The following TRPC3 variants were observed in gnomAD, a reference collection of about 807,000 sequenced individuals.
TRPC3 encodes the protein transient receptor potential cation channel subfamily C member 3.
A neutral mutation model predicts 90.9 loss-of-function variants in TRPC3; 54 were observed. The ratio of observed to expected loss-of-function variants is 0.59; its 90% CI spans 0.48 to 0.75. TRPC3 has a LOEUF of 0.75. Ranked by LOEUF, TRPC3 falls within the 30% of genes least tolerant of loss-of-function variation. The probability of loss-of-function intolerance (pLI) is 0.00; values close to 1 mark genes in which losing one functional copy is unlikely to be tolerated. For missense variants in TRPC3, 918 were observed against 1,194.5 expected, an observed-to-expected ratio of 0.77 and a Z score of 3.41; for synonymous variants, 424 against 450.9, an observed-to-expected ratio of 0.94 and a Z score of 0.75.
In TRPC3 at chr4:121,876,833, A is replaced by G. The variant is rs537038927; in HGVS notation, c.*2903T>C. ...TACAAAGTACCCAACTTTTCGAACA[A>G]TAAGTCTAAGAAGCACTTTGAGTGT... On this transcript the variant is annotated 3_prime_UTR_variant, in exon 12 of 12. Transcript: ENST00000379645. Among the ~76,000 whole-genome samples the G allele has an allele frequency of 2.3e-4, 35 of 152,314 alleles. No homozygotes were observed. The highest frequency in any genetic ancestry group is 6.2e-4 in the South Asian group (3 of 4,824).
Position 121,904,525 on chromosome 4 carries a change from A to G in TRPC3, c.2058-8T>C. The G allele has an allele frequency of 6.5e-7, 1 of 1,530,634 alleles. No homozygotes were observed. The highest frequency in any genetic ancestry group is 8.7e-7 in the Non-Finnish European group (1 of 1,143,180). 94.8% of individuals were successfully genotyped at this position (1,530,634 alleles called of 1,614,324 possible). A position where few individuals can be genotyped will look rare whatever the true frequency, so the allele number is the denominator to read the frequency against. On this transcript the variant is annotated splice_polypyrimidine_tract_variant and splice_region_variant and intron_variant, in intron 7 of 11. Coordinates refer to ENST00000379645, the MANE Select transcript of TRPC3 (RefSeq NM_001130698.2). ...TTGAAACTTTCTTCTACACTGTTGA[A>G]AAAATAAGATACAAAGTAAGTAAGT...
At chr4:121,881,354 CG>C (rs546432346) in intron 11 of TRPC3, among the ~76,000 whole-genome samples, 89 of 152,112 alleles carry the variant, frequency 5.9e-4, no homozygotes, top group African/African-American at 2.1e-3. Flanking sequence ...TTTTTTATGC[CG>C]TTTTAGCCAT....
At chr4:121,916,939 T>C (rs1446986276) in intron 3 of TRPC3, among the ~76,000 whole-genome samples, 1 of 152,040 alleles carries the variant, frequency 6.6e-6, no homozygotes, top group Non-Finnish European at 1.5e-5. Context: ...GGTCTCAAAC[T>C]CTCAACCTCA....
rs1727730971 is a variant in TRPC3 at position 121,875,191 on chromosome 4, G to T, written c.*4545C>A. 6.6e-6 allele frequency among the ~76,000 whole-genome samples: 1 copy of T among 151,586 alleles called. No individual in the cohort carries two copies. The highest frequency in any genetic ancestry group is 1.5e-5 in the Non-Finnish European group (1 of 67,932). On this transcript the variant is annotated 3_prime_UTR_variant, in exon 12 of 12. Transcript: ENST00000379645. ...AGTGCTTACTTTCCATTTAGCAAGT[G>T]ATGTCCACTGTTCAATTAATTGTGT...
In TRPC3 at chr4:121,932,566, G is replaced by A; in HGVS notation, c.692C>T (p.Ser231Leu). 6.2e-7 allele frequency: 1 copy of A among 1,614,230 alleles called. No homozygotes were observed. The highest frequency in any genetic ancestry group is 1.3e-5 in the African/African-American group (1 of 75,064). ...CAGGATGATGGGGGTGATGTCCGGCGAGAAGCGCGTGCCGTCCTCGTCGTA... is the reference window on the plus strand; with the variant it reads ...CAGGATGATGGGGGTGATGTCCGGCAAGAAGCGCGTGCCGTCCTCGTCGTA... ...YAYDEDGTRF[S>L]PDITPIILAA... The change falls in exon 2 of 12, where the codon TCG becomes TTG. Residue 231 changes from serine (S) to leucine (L), a missense_variant. By Grantham distance (145) the Ser-to-Leu change is moderately radical (BLOSUM62 -2). Transcript: ENST00000379645. The surrounding 1 kb of genome is among the most constrained non-coding windows in gnomAD (Gnocchi z 7.7).
At chr4:121,937,637 T>C (rs1285159820) in intron 1 of TRPC3, among the ~76,000 whole-genome samples, 1 of 152,230 alleles carries the variant, frequency 6.6e-6, no homozygotes, top group East Asian at 1.9e-4. Flanking sequence ...TTGTTCACCA[T>C]AGTATTCTTT....
At chr4:121,913,260 G>A (rs75455013) in intron 4 of TRPC3, among the ~76,000 whole-genome samples, 9,022 of 152,182 alleles carry the variant, frequency 0.059, 335 homozygotes, top group South Asian at 0.15. Flanking sequence ...AATTTCTTGG[G>A]AATTACCAAG....
intron 1 of TRPC3, among the ~76,000 whole-genome samples, chr4:121,949,382 C>T (rs72682611): frequency 0.01 from 1,534 of 152,194 alleles, 21 homozygotes; most frequent in Non-Finnish European, 0.016. Context: ...AGGAATTATC[C>T]TGGTAAAGGT....
chr4:121,905,814 G>A (rs990412951), intron 7 of TRPC3, among the ~76,000 whole-genome samples: 1 of 151,930 alleles, frequency 6.6e-6, no homozygotes, highest in Non-Finnish European at 1.5e-5. Context: ...GAGGATGGAG[G>A]GTTGAATAGA....
At chr4:121,898,503 T>G (rs1046004143) in intron 10 of TRPC3, among the ~76,000 whole-genome samples, 1 of 152,164 alleles carries the variant, frequency 6.6e-6, no homozygotes, top group Non-Finnish European at 1.5e-5. Context: ...GGTGGAACAC[T>G]TTCACCCTGA....
chr4:121,935,819 A>G (rs566380122), intron 1 of TRPC3, among the ~76,000 whole-genome samples: 1 of 151,492 alleles, frequency 6.6e-6, no homozygotes, highest in East Asian at 1.9e-4. Context: ...ATCTACAGGG[A>G]AAAATCACTT....
chr4:121,932,167 C>T lies in TRPC3; in HGVS notation c.987+104G>A. ...TCAGTCCCTCGTGATTTCACATTCA[C>T]TGGGCAAAACCGAATGTGGAGCGAA... On this transcript the variant is annotated intron_variant, in intron 2 of 11. Transcript: ENST00000379645. The surrounding 1 kb of genome is among the most constrained non-coding windows in gnomAD (Gnocchi z 7.7). The T allele has an allele frequency of 6.6e-7, 1 of 1,513,446 alleles. No individual in the cohort carries two copies. Among genetic ancestry groups the T allele is most frequent in the Middle Eastern group, 2.1e-4 (1 of 4,838 alleles). 93.8% of individuals were successfully genotyped at this position (1,513,446 alleles called of 1,614,324 possible).
chr4:121,951,086 G>A lies in TRPC3; in HGVS notation c.215+380C>T, dbSNP rs1254885687. 2.0e-5 allele frequency among the ~76,000 whole-genome samples: 3 copies of A among 152,158 alleles called. No individual in the cohort carries two copies. The highest frequency in any genetic ancestry group is 4.8e-5 in the African/African-American group (2 of 41,454). ...CCTCCCTGGGTAAGCTCGGGACCCC[G>A]GGGTCCGTCTTCCAAGGGGTGCCCA... On this transcript the variant is annotated intron_variant, in intron 1 of 11. Transcript: ENST00000379645. The surrounding 1 kb of genome is among the most constrained non-coding windows in gnomAD (Gnocchi z 4.4).
intron 10 of TRPC3, among the ~76,000 whole-genome samples, chr4:121,894,555 G>GTTTT (rs374034360): frequency 0.018 from 1,161 of 63,360 alleles, 291 homozygotes; most frequent in African/African-American, 0.033. Context: ...TACACATTCT[G>GTTTT]TTTTTTTTTT....
At chr4:121,913,356 T>A (rs1316812971) in intron 4 of TRPC3, among the ~76,000 whole-genome samples, 3 of 152,224 alleles carry the variant, frequency 2.0e-5, no homozygotes, top group African/African-American at 7.2e-5. Flanking sequence ...GGGACATACA[T>A]GGAAAATTCT....
In TRPC3 at chr4:121,906,545, G is replaced by T. The variant is rs1320047195; in HGVS notation, c.2057+758C>A. Among the ~76,000 whole-genome samples the T allele has an allele frequency of 2.6e-5, 4 of 152,182 alleles. 1 individual carries two copies. In the East Asian group the frequency reaches 7.7e-4, roughly 29 times the overall value. On this transcript the variant is annotated intron_variant, in intron 7 of 11. Coordinates refer to ENST00000379645, the MANE Select transcript of TRPC3 (RefSeq NM_001130698.2). ...TAGAACAATTGAGATGTCTACAAGG[G>T]CTTGATATGCTACTTTAGTCTATAG...
At chr4:121,895,148 T>C (rs775332609) in intron 10 of TRPC3, among the ~76,000 whole-genome samples, 2 of 151,700 alleles carry the variant, frequency 1.3e-5, no homozygotes, top group Non-Finnish European at 2.9e-5. Flanking sequence ...CCAACACCCA[T>C]GCAACACAGC....
At chr4:121,899,461 G>A in intron 10 of TRPC3, 151 bp downstream of exon 10, 1 of 472,154 alleles carries the variant, frequency 2.1e-6, no homozygotes, top group East Asian at 3.5e-5. Flanking sequence ...AATTTCACAG[G>A]TGTTGAATCA....
intron 2 of TRPC3, among the ~76,000 whole-genome samples, chr4:121,929,548 T>G (rs1729825277): frequency 6.6e-6 from 1 of 152,216 alleles, no homozygotes; most frequent in African/African-American, 2.4e-5. Flanking sequence ...TTTCTCAGAA[T>G]AGCTTCAAAC....
Sources: allele counts gnomAD v4.1 joint callset (sites outside exome capture counted in the v4.1 genomes callset), GRCh38; gene constraint gnomAD v4.1.1; non-coding constraint Gnocchi (gnomAD v3.1); transcripts MANE v1.5; gene names NCBI Gene and HGNC (gene_info 2026-07-23, HGNC 2026-07-21).